The following DNAH8 variants were observed in gnomAD, a reference collection of about 807,000 sequenced individuals.
DNAH8 encodes axonemal beta dynein heavy chain 8.
A neutral mutation model predicts 562.1 loss-of-function variants in DNAH8; 382 were observed. That is an observed-to-expected ratio of 0.68 (90% confidence interval 0.63 to 0.74). The LOEUF is 0.74. Ranked by LOEUF, DNAH8 falls within the 30% of genes least tolerant of loss-of-function variation. The pLI, the probability that DNAH8 is intolerant of heterozygous loss-of-function variation, is 0.00. For missense variants in DNAH8, 5,203 were observed against 5,620.4 expected, an observed-to-expected ratio of 0.93 and a Z score of 2.37; for synonymous variants, 1,881 against 1,919.4, an observed-to-expected ratio of 0.98 and a Z score of 0.52.
chr6:38,807,792 TTA>T (rs1445174023), intron 24 of DNAH8, 76 bp downstream of exon 24: 26 of 503,114 alleles, frequency 5.2e-5, no homozygotes, highest in Admixed American at 4.3e-4. Context: ...AATTTATTAA[TTA>T]AAAAAACTAT....
At chr6:39,006,777 T>G (rs897543489) in intron 88 of DNAH8, among the ~76,000 whole-genome samples, 2 of 152,328 alleles carry the variant, frequency 1.3e-5, no homozygotes, top group South Asian at 2.1e-4. Context: ...GGAAAGATTT[T>G]TCCCCCACTT....
chr6:38,928,748 A>G (rs1782307468), intron 74 of DNAH8, among the ~76,000 whole-genome samples: 1 of 152,192 alleles, frequency 6.6e-6, no homozygotes, highest in Non-Finnish European at 1.5e-5. Flanking sequence ...TTCAGAAGAT[A>G]GGATACAAAA....
At chr6:38,962,318 G>A (rs766793476) in intron 82 of DNAH8, among the ~76,000 whole-genome samples, 6 of 152,106 alleles carry the variant, frequency 3.9e-5, no homozygotes, top group Non-Finnish European at 8.8e-5. Context: ...ATTGCAAATG[G>A]ACAAGAATAG....
rs141885920 is a variant in DNAH8 at position 38,880,954 on chromosome 6, G to C, written c.7859-1956G>C. On this transcript the variant is annotated intron_variant, in intron 53 of 92. Transcript: ENST00000327475. The stretch of plus-strand genomic sequence containing the variant: ...GAGGCAGGAAAATTGCTTGAACCCG[G>C]AGATGGAGGCTGCAGTGAGCTGAGA... Among the ~76,000 whole-genome samples, 20 of 152,292 alleles carry C rather than the reference G, an allele frequency of 1.3e-4. No homozygotes were observed. The East Asian group carries it at 3.5e-3, about 26-fold the overall frequency.
intron 49 of DNAH8, among the ~76,000 whole-genome samples, chr6:38,871,322 G>A (rs1483464160): frequency 6.6e-6 from 1 of 152,176 alleles, no homozygotes; most frequent in African/African-American, 2.4e-5. Flanking sequence ...GTGCATGGGG[G>A]AAAAGTCTTT....
At chr6:38,905,996 C>T (rs1291727418) in intron 62 of DNAH8, among the ~76,000 whole-genome samples, 1 of 151,936 alleles carries the variant, frequency 6.6e-6, no homozygotes, top group Non-Finnish European at 1.5e-5. Context: ...ACCTCTGCCT[C>T]CCGGGTTCAA....
At chr6:38,827,575 A>G (rs563557765) in intron 29 of DNAH8, among the ~76,000 whole-genome samples, 1 of 151,848 alleles carries the variant, frequency 6.6e-6, no homozygotes, top group East Asian at 1.9e-4. Context: ...ACCCATTGAG[A>G]GTTTATACTC....
intron 58 of DNAH8, among the ~76,000 whole-genome samples, chr6:38,894,135 A>C (rs1367912385): frequency 3.9e-5 from 6 of 152,214 alleles, no homozygotes; most frequent in African/African-American, 1.4e-4. Context: ...GGATATACAG[A>C]TACATGAAAG....
At chr6:38,815,746 C>T (rs942884895) in intron 26 of DNAH8, 89 bp downstream of exon 26, 2 of 1,187,648 alleles carry the variant, frequency 1.7e-6, no homozygotes, top group African/African-American at 3.1e-5. Flanking sequence ...ATGTTTGATA[C>T]CTTTTGCATT....
chr6:38,746,442 G>C (rs2127591307), intron 8 of DNAH8, among the ~76,000 whole-genome samples: 1 of 152,126 alleles, frequency 6.6e-6, no homozygotes, highest in Admixed American at 6.5e-5. Context: ...CAAGGATCCT[G>C]GGTTTATTTT....
rs1437651722 is a variant in DNAH8, at chr6:38,938,064, C to T, written c.11654C>T (p.Ala3885Val). Residue 3885 changes from alanine (A) to valine (V), a missense_variant, in exon 78 of 93, where the codon GCA (alanine) becomes GTA (valine). Transcript: ENST00000327475. ...AEVSEKLHVA[A>V]ETEIKINAAQ... ...GTAAGTGAAAAGTTGCATGTGGCTG[C>T]AGAAACTGAGATCAAGATCAACGCG... 5.6e-6 allele frequency: 9 copies of T among 1,614,066 alleles called. No individual in the cohort carries two copies. The highest frequency in any genetic ancestry group is 7.6e-6 in the Non-Finnish European group (9 of 1,180,010).
intron 92 of DNAH8, among the ~76,000 whole-genome samples, chr6:39,028,056 A>G (rs1767412712): frequency 6.6e-6 from 1 of 152,088 alleles, no homozygotes; most frequent in Non-Finnish European, 1.5e-5. Context: ...TTCAGTTTCC[A>G]GTATTATCTT....
At chr6:38,896,577 A>AC (rs1779703244) in intron 60 of DNAH8, among the ~76,000 whole-genome samples, 4 of 149,674 alleles carry the variant, frequency 2.7e-5, no homozygotes, top group African/African-American at 9.9e-5. Flanking sequence ...CCTGTCTCAA[A>AC]AAAACAAACA....
At chr6:38,896,361 C>T (rs978739408) in intron 60 of DNAH8, 136 bp downstream of exon 60, 10 of 701,028 alleles carry the variant, frequency 1.4e-5, no homozygotes, top group Admixed American at 8.6e-5. Flanking sequence ...ATTGCTTGAG[C>T]CTGGGAGTTT....
chr6:38,900,902 C>G (rs1221611628), intron 62 of DNAH8, among the ~76,000 whole-genome samples: 2 of 152,220 alleles, frequency 1.3e-5, no homozygotes, highest in Non-Finnish European at 2.9e-5. Flanking sequence ...AGCCACCGCG[C>G]CTGGCCGATT....
intron 43 of DNAH8, among the ~76,000 whole-genome samples, chr6:38,862,057 C>G (rs902000097): frequency 2.0e-5 from 3 of 146,892 alleles, no homozygotes; most frequent in African/African-American, 7.5e-5. Flanking sequence ...GGTTTTAAGT[C>G]AGGGTTGAGG....
chr6:39,008,881 G>C lies in DNAH8; in HGVS notation c.13282G>C (p.Gly4428Arg), dbSNP rs755556134. ...ITNIQPKESG[G>R]GVGETREAIV... Reference sequence around the variant, plus strand: ...CAACATTCAACCCAAAGAGAGTGGAGGTGGTGTGGGAGAGACCCGGGAGGC... The same window carrying C: ...CAACATTCAACCCAAAGAGAGTGGACGTGGTGTGGGAGAGACCCGGGAGGC... The change falls in exon 89 of 93, where the codon GGT becomes CGT. Residue 4428 changes from glycine (G) to arginine (R), a missense_variant. Coordinates refer to ENST00000327475, the MANE Select transcript of DNAH8 (RefSeq NM_001206927.2). The C allele has an allele frequency of 1.5e-4, 245 of 1,606,092 alleles. No individual in the cohort carries two copies. The highest frequency in any genetic ancestry group is 1.9e-4 in the Non-Finnish European group (224 of 1,172,940).
intron 80 of DNAH8, among the ~76,000 whole-genome samples, chr6:38,946,759 G>A (rs1023255925): frequency 5.3e-5 from 8 of 152,000 alleles, no homozygotes; most frequent in Admixed American, 3.9e-4. Flanking sequence ...GCAGTGAGCC[G>A]AAATTGCACC....
At chr6:38,932,054 A>G in intron 76 of DNAH8, 61 bp downstream of exon 76, 2 of 1,288,656 alleles carry the variant, frequency 1.6e-6, no homozygotes, top group Non-Finnish European at 1.0e-6. Context: ...ATGTATTGAG[A>G]AATTGCTAAG....
Sources: allele counts gnomAD v4.1 joint callset (sites outside exome capture counted in the v4.1 genomes callset), GRCh38; gene constraint gnomAD v4.1.1; transcripts MANE v1.5; gene names NCBI Gene and HGNC (gene_info 2026-07-23, HGNC 2026-07-21).